VRTN: variants seen among roughly 807,000 people sequenced by gnomAD.
The protein encoded by VRTN is vertebrae development associated, also known as vertnin.
VRTN carries 5 observed loss-of-function variants against 18.2 expected under a neutral mutation model. The observed-to-expected ratio is 0.27, with a 90% CI of 0.14 to 0.58. The LOEUF is 0.58. Among genes scored for constraint, VRTN ranks in the 20% least tolerant of loss-of-function variants. The pLI is 0.91. For synonymous variants in VRTN, 381 were observed against 393.7 expected, an observed-to-expected ratio of 0.97 and a Z score of 0.38; for missense variants, 741 against 939.4, an observed-to-expected ratio of 0.79 and a Z score of 2.76.
In VRTN at chr14:74,359,119, C is replaced by T. The variant is rs945499664; in HGVS notation, c.*227C>T. ...CTGTGGGACCAGAGATATCCTCTTT[C>T]GTTGTTTGCTGGTCATATTTTTACT... On this transcript the variant is annotated 3_prime_UTR_variant, in exon 2 of 2. Transcript: ENST00000256362. 4 of 806,984 alleles carry T rather than the reference C, an allele frequency of 5.0e-6. No homozygotes were observed. Among genetic ancestry groups the T allele is most frequent in the South Asian group, 5.2e-5 (1 of 19,264 alleles). The allele number at this position is 806,984 out of a possible 1,614,324, so 50.0% of individuals were successfully genotyped here.
intron 1 of VRTN, among the ~76,000 whole-genome samples, chr14:74,354,929 G>A (rs1038530031): frequency 3.3e-5 from 5 of 151,720 alleles, no homozygotes; most frequent in African/African-American, 1.2e-4. Flanking sequence ...ATCATTTGAG[G>A]TCAGGAGTTT....
upstream of VRTN, among the ~76,000 whole-genome samples, chr14:74,344,429 G>GT (rs1349393012): frequency 1.9e-5 from 2 of 105,438 alleles, no homozygotes; most frequent in Non-Finnish European, 3.9e-5. Context: ...AAAAAAAAGT[G>GT]TTCACTGGAA....
chr14:74,318,275 T>C (rs1205531286), intron 1 of VRTN, among the ~76,000 whole-genome samples: 1 of 149,676 alleles, frequency 6.7e-6, no homozygotes, highest in African/African-American at 2.5e-5. Flanking sequence ...GGCTAATTTT[T>C]TTTTTTTTTC....
At position 74,358,460 on chromosome 14, in the gene VRTN, G is replaced by C; in HGVS notation, c.1677G>C (p.Gln559His). Residue 559 changes from glutamine to histidine, a missense_variant, in exon 2 of 2, where the codon CAG (glutamine) becomes CAC (histidine). Physicochemically the swap from Gln to His is conservative, Grantham distance 24 (BLOSUM62 0). This residue lies in a region of VRTN where 494 missense variants were observed against 546.5 expected (regional missense o/e 0.90). Transcript: ENST00000256362. The surrounding 1 kb of genome is among the most constrained non-coding windows in gnomAD (Gnocchi z 5.4). The stretch of plus-strand genomic sequence containing the variant: ...GGCCCAGAGGCCTGTCCAAACTTCA[G>C]GTGCCGGTCCCCACCTTGGGCAAAG... ...RGWPRGLSKL[Q>H]VPVPTLGKGG... is the part of the protein sequence containing the mutation. The C allele has an allele frequency of 6.2e-7, 1 of 1,614,190 alleles. No individual in the cohort carries two copies. The highest frequency in any genetic ancestry group is 8.5e-7 in the Non-Finnish European group (1 of 1,180,026).
chr14:74,327,698 G>A (rs960261866), intron 1 of VRTN, among the ~76,000 whole-genome samples: 77 of 151,226 alleles, frequency 5.1e-4, no homozygotes, highest in African/African-American at 1.9e-3. Flanking sequence ...CATAAGCACT[G>A]GTTGATTTTA....
At chr14:74,340,200 C>T (rs1048511745) in intron 2 of VRTN, among the ~76,000 whole-genome samples, 13 of 151,926 alleles carry the variant, frequency 8.6e-5, no homozygotes, top group African/African-American at 3.1e-4. Flanking sequence ...GCAACCTCCG[C>T]CTCCCAGGTT....
chr14:74,321,903 C>T (rs903567165), intron 1 of VRTN, among the ~76,000 whole-genome samples: 4 of 149,814 alleles, frequency 2.7e-5, no homozygotes, highest in Non-Finnish European at 4.4e-5. Flanking sequence ...TGCAGTGGTG[C>T]GATCTTGGCT....
At position 74,322,152 on chromosome 14, in the gene VRTN, A is replaced by ATT. The variant is rs532973803; in HGVS notation, c.-163-15559_-163-15558dup. On this transcript the variant is annotated intron_variant, in intron 1 of 2. Coordinates refer to the VRTN transcript ENST00000557177. The stretch of plus-strand genomic sequence containing the variant: ...TGAGCCACCGTGCCCGGCTCCCCAT[A>ATT]TTTTTTTTTTTTTGAGACAGGGTCT... Among the ~76,000 whole-genome samples the ATT allele has an allele frequency of 6.9e-3, 991 of 143,722 alleles. 9 individuals carry two copies. The highest frequency in any genetic ancestry group is 0.023 in the African/African-American group (925 of 39,550). 94.3% of individuals were successfully genotyped at this position (143,722 alleles called of 152,430 possible). A position where few individuals can be genotyped will look rare whatever the true frequency, so the allele number is the denominator to read the frequency against.
chr14:74,311,323 T>C, intron 1 of VRTN, among the ~76,000 whole-genome samples: 1 of 152,198 alleles, frequency 6.6e-6, no homozygotes, highest in African/African-American at 2.4e-5. Flanking sequence ...GTTTTATATA[T>C]ATGCAAACTT....
intron 1 of VRTN, among the ~76,000 whole-genome samples, chr14:74,322,123 G>A (rs2085459742): frequency 1.3e-5 from 2 of 151,662 alleles, no homozygotes; most frequent in African/African-American, 4.8e-5. Context: ...TGGGATTACA[G>A]GCGTGAGCCA....
intron 1 of VRTN, among the ~76,000 whole-genome samples, chr14:74,326,775 C>T (rs567760943): frequency 5.6e-4 from 78 of 139,904 alleles, no homozygotes; most frequent in African/African-American, 1.9e-3. Flanking sequence ...AGCCTTCCCA[C>T]CCCATGATCC....
chr14:74,318,340 G>A (rs1212827355), intron 1 of VRTN, among the ~76,000 whole-genome samples: 1 of 151,740 alleles, frequency 6.6e-6, no homozygotes, highest in African/African-American at 2.4e-5. Flanking sequence ...GCGTGATCTC[G>A]GCTCACCGCA....
intron 1 of VRTN, among the ~76,000 whole-genome samples, chr14:74,352,711 C>T (rs948540404): frequency 6.6e-6 from 1 of 152,064 alleles, no homozygotes; most frequent in Non-Finnish European, 1.5e-5. Context: ...CCACGCCTGG[C>T]CTTAAGCGTA....
intron 1 of VRTN, among the ~76,000 whole-genome samples, chr14:74,334,248 G>C (rs1319671877): frequency 6.6e-6 from 1 of 152,172 alleles, no homozygotes; most frequent in African/African-American, 2.4e-5. Context: ...ATAAACCTAG[G>C]CTGGGCACAG....
At chr14:74,326,487 T>C (rs991406755) in intron 1 of VRTN, among the ~76,000 whole-genome samples, 6 of 152,040 alleles carry the variant, frequency 3.9e-5, no homozygotes, top group African/African-American at 1.4e-4. Context: ...GAGGAATCTG[T>C]TTGTCATCCA....
At chr14:74,331,502 C>G (rs2085523029) in intron 1 of VRTN, among the ~76,000 whole-genome samples, 1 of 133,090 alleles carries the variant, frequency 7.5e-6, no homozygotes, top group Non-Finnish European at 1.6e-5. Context: ...GCACTCCAGC[C>G]TGGGCAACAA....
At chr14:74,353,867 C>T (rs950148487) in intron 1 of VRTN, among the ~76,000 whole-genome samples, 2 of 151,998 alleles carry the variant, frequency 1.3e-5, no homozygotes, top group Non-Finnish European at 2.9e-5. Flanking sequence ...GGACTAGAGG[C>T]GCCCGCCAGC....
intron 1 of VRTN, among the ~76,000 whole-genome samples, chr14:74,328,169 A>G (rs907658663): frequency 3.3e-5 from 5 of 152,122 alleles, no homozygotes; most frequent in African/African-American, 1.2e-4. Context: ...TTATGAGCCA[A>G]TATATCAAAA....
intron 1 of VRTN, among the ~76,000 whole-genome samples, chr14:74,321,157 C>T (rs1047654299): frequency 1.3e-5 from 2 of 152,082 alleles, no homozygotes; most frequent in South Asian, 2.1e-4. Flanking sequence ...AGTAATGTGT[C>T]AGTAATAAGA....
Sources: gnomAD v4.1 joint callset for allele counts (sites outside exome capture counted in the v4.1 genomes callset) on GRCh38, gnomAD v4.1.1 for gene constraint, gnomAD v4.1.1 regional missense constraint, Gnocchi (gnomAD v3.1) non-coding constraint, MANE v1.5 for transcripts, NCBI Gene and HGNC (gene_info 2026-07-23, HGNC 2026-07-21) for gene names.